Variants in PKNOX2 observed in about 807,000 individuals in gnomAD.
PKNOX2 encodes PBX/knotted 1 homeobox 2.
Under a neutral mutation model 53.1 loss-of-function variants are expected in PKNOX2, and 14 were observed. That is an observed-to-expected ratio of 0.26 (90% CI 0.17 to 0.41). The LOEUF is 0.41. Ranked by LOEUF, PKNOX2 falls within the 10% of genes least tolerant of loss-of-function variation. The pLI is 1.00. For synonymous variants in PKNOX2, 257 were observed against 242.8 expected (o/e 1.06, Z -0.54); for missense variants, 496 against 602.8 (o/e 0.82, Z 1.85).
At chr11:125,212,857 G>T (rs1472129241) in intron 1 of PKNOX2, among the ~76,000 whole-genome samples, 1 of 151,862 alleles carries the variant, frequency 6.6e-6, no homozygotes, top group Non-Finnish European at 1.5e-5. Flanking sequence ...GCAATTAAGG[G>T]TCTAGGCTCA....
At chr11:125,367,784 C>T (rs1391673850) in intron 4 of PKNOX2, 62 bp from the exon 5 acceptor site, 2 of 1,560,512 alleles carry the variant, frequency 1.3e-6, no homozygotes, top group Non-Finnish European at 1.7e-6. Context: ...CCTCACACTA[C>T]AGCCTGGAGA....
rs144408320 is a variant in PKNOX2 at position 125,387,957 on chromosome 11, G to A, written c.399+2235G>A. 1.7e-3 allele frequency among the ~76,000 whole-genome samples: 258 copies of A among 152,124 alleles called. 1 individual carries two copies. In the South Asian group the frequency reaches 0.032, roughly 19 times the overall value. On this transcript the variant is annotated intron_variant, in intron 6 of 12. Coordinates refer to ENST00000298282, the MANE Select transcript of PKNOX2 (RefSeq NM_001382323.2). ...ATCTAACACACCTATCTCGTGTGATGGTAATACAAAATTAATGAGATGGCA... is the reference window on the plus strand; with the variant it reads ...ATCTAACACACCTATCTCGTGTGATAGTAATACAAAATTAATGAGATGGCA...
At chr11:125,403,898 T>C (rs951693496) in intron 7 of PKNOX2, among the ~76,000 whole-genome samples, 2 of 152,304 alleles carry the variant, frequency 1.3e-5, no homozygotes, top group East Asian at 3.9e-4. Flanking sequence ...ACTCTGCAGC[T>C]CTGCGCCTCC....
chr11:125,431,753 G>A lies in PKNOX2; in HGVS notation c.*361G>A. On this transcript the variant is annotated 3_prime_UTR_variant, in exon 13 of 13. Coordinates refer to ENST00000298282, the MANE Select transcript of PKNOX2 (RefSeq NM_001382323.2). ...GAGTTGTTTACAAGCCCTGCACTGA[G>A]GCAGATTGGTGCTGTTCGCAGAGTA... is the stretch of plus-strand genomic sequence containing the variant. The A allele has an allele frequency of 4.1e-6, 1 of 246,014 alleles. No homozygotes were observed. The highest frequency in any genetic ancestry group is 7.7e-5 in the South Asian group (1 of 13,008). 15.2% of individuals were successfully genotyped at this position (246,014 alleles called of 1,614,324 possible).
chr11:125,357,755 A>T (rs1284129052), intron 4 of PKNOX2, among the ~76,000 whole-genome samples: 1 of 152,162 alleles, frequency 6.6e-6, no homozygotes, highest in Non-Finnish European at 1.5e-5. Context: ...TCTGAAGAGG[A>T]GGATGGAATG....
intron 2 of PKNOX2, among the ~76,000 whole-genome samples, chr11:125,286,019 C>T (rs1461181009): frequency 6.6e-6 from 1 of 152,138 alleles, no homozygotes; most frequent in East Asian, 1.9e-4. Flanking sequence ...AAATATTTAC[C>T]AGCATGCTAC....
chr11:125,231,536 T>C (rs11219978), intron 1 of PKNOX2, among the ~76,000 whole-genome samples: 14,827 of 152,312 alleles, frequency 0.097, 1,436 homozygotes, highest in East Asian at 0.38. Context: ...ATTATTTGCC[T>C]GTGAGGATCA....
chr11:125,375,906 C>T (rs555015715), intron 5 of PKNOX2, among the ~76,000 whole-genome samples: 1 of 152,264 alleles, frequency 6.6e-6, no homozygotes, highest in South Asian at 2.1e-4. Context: ...TAGGTAAACT[C>T]GTGTCATGGG....
At chr11:125,312,174 G>A (rs1252528615) in intron 2 of PKNOX2, among the ~76,000 whole-genome samples, 1 of 152,148 alleles carries the variant, frequency 6.6e-6, no homozygotes, top group Admixed American at 6.5e-5. Flanking sequence ...GCTAGATGAG[G>A]GCACTGCTTT....
chr11:125,397,881 A>T lies in PKNOX2; in HGVS notation c.407A>T (p.Lys136Met). 1 of 1,610,248 alleles carries T rather than the reference A, an allele frequency of 6.2e-7. No individual in the cohort carries two copies. The highest frequency in any genetic ancestry group is 1.1e-5 in the South Asian group (1 of 89,904). ...DDPELDNLMV[K>M]AIQVLRIHLL... ...TCTCCTCCCTCTCCACAGATGGTGA[A>T]GGCAATCCAGGTCCTGAGAATCCAC... The change falls in exon 7 of 13, where the codon AAG becomes ATG. Residue 136 changes from lysine to methionine, a missense_variant. This residue lies in a region of PKNOX2 where 168 missense variants were observed against 178.4 expected (regional missense o/e 0.94). Coordinates refer to ENST00000298282, the MANE Select transcript of PKNOX2 (RefSeq NM_001382323.2).
At chr11:125,354,937 T>C (rs950093851) in intron 4 of PKNOX2, among the ~76,000 whole-genome samples, 23 of 152,188 alleles carry the variant, frequency 1.5e-4, no homozygotes, top group African/African-American at 4.8e-4. Flanking sequence ...ACACTCTCTG[T>C]TGATTGTGCA....
intron 1 of PKNOX2, among the ~76,000 whole-genome samples, chr11:125,227,450 C>G (rs1177083645): frequency 6.6e-6 from 1 of 152,214 alleles, no homozygotes; most frequent in Non-Finnish European, 1.5e-5. Context: ...ACTCTCAGTA[C>G]CTTGTACAGG....
intron 2 of PKNOX2, among the ~76,000 whole-genome samples, chr11:125,303,152 C>T (rs1948190258): frequency 6.6e-6 from 1 of 152,252 alleles, no homozygotes; most frequent in Non-Finnish European, 1.5e-5. Context: ...AAAACCTGAC[C>T]TGCAGCTGGG....
chr11:125,258,413 A>G (rs1455969058), intron 2 of PKNOX2, among the ~76,000 whole-genome samples: 2 of 152,176 alleles, frequency 1.3e-5, no homozygotes, highest in Non-Finnish European at 2.9e-5. Flanking sequence ...ATTAAAATGA[A>G]ACACTTTCAG....
At chr11:125,275,925 A>T (rs1455823658) in intron 2 of PKNOX2, among the ~76,000 whole-genome samples, 1 of 152,166 alleles carries the variant, frequency 6.6e-6, no homozygotes, top group Non-Finnish European at 1.5e-5. Context: ...GCAATGGGGA[A>T]AGATCACATA....
At chr11:125,279,700 T>C (rs1946421394) in intron 2 of PKNOX2, among the ~76,000 whole-genome samples, 1 of 152,166 alleles carries the variant, frequency 6.6e-6, no homozygotes, top group Non-Finnish European at 1.5e-5. Flanking sequence ...TCTATGGTGG[T>C]ATCTGGGGGC....
chr11:125,394,607 A>G (rs1010034299), intron 6 of PKNOX2, among the ~76,000 whole-genome samples: 2 of 152,332 alleles, frequency 1.3e-5, no homozygotes, highest in African/African-American at 4.8e-5. Flanking sequence ...ACTTCTCTAC[A>G]CACACCTCAC....
chr11:125,229,061 G>C (rs184232542), intron 1 of PKNOX2, among the ~76,000 whole-genome samples: 21 of 152,318 alleles, frequency 1.4e-4, no homozygotes, highest in African/African-American at 5.1e-4. Flanking sequence ...TGGAGGAGTT[G>C]CCCAGGTGAG....
intron 3 of PKNOX2, among the ~76,000 whole-genome samples, chr11:125,348,992 G>A (rs767199839): frequency 6.6e-6 from 1 of 152,084 alleles, no homozygotes; most frequent in African/African-American, 2.4e-5. Context: ...TTTTCCTGGC[G>A]GACGAGCATC....
Sources: gnomAD v4.1 joint callset for allele counts (sites outside exome capture counted in the v4.1 genomes callset) on GRCh38, gnomAD v4.1.1 for gene constraint, gnomAD v4.1.1 regional missense constraint, MANE v1.5 for transcripts, NCBI Gene and HGNC (gene_info 2026-07-23, HGNC 2026-07-21) for gene names.